GPHN: variants seen among roughly 807,000 people sequenced by gnomAD.
GPHN encodes the protein gephyrin.
A neutral mutation model predicts 95.5 loss-of-function variants in GPHN; 17 were observed. That is an observed-to-expected ratio of 0.18 (90% CI 0.12 to 0.27). The LOEUF is 0.27. GPHN is among the 10% of genes least tolerant of loss of function. GPHN has a pLI of 1.00. For missense variants in GPHN, 660 were observed against 978.1 expected, an observed-to-expected ratio of 0.67 and a Z score of 4.34; for synonymous variants, 320 against 322.5, an observed-to-expected ratio of 0.99 and a Z score of 0.08.
chr14:66,630,853 T>C (rs1421085222), intron 1 of GPHN, among the ~76,000 whole-genome samples: 1 of 152,174 alleles, frequency 6.6e-6, no homozygotes, highest in Non-Finnish European at 1.5e-5. Context: ...GTATTTCCTA[T>C]GTTGACTTGA....
At chr14:67,211,336 T>C in the GPHN span, among the ~76,000 whole-genome samples, 1 of 152,114 alleles carries the variant, frequency 6.6e-6, no homozygotes, top group East Asian at 1.9e-4. Flanking sequence ...TAGATTTGAC[T>C]CACATTGAAT....
At chr14:67,122,531 T>C (rs1348878194) in intron 17 of GPHN, among the ~76,000 whole-genome samples, 154 bp downstream of exon 17, 1 of 152,246 alleles carries the variant, frequency 6.6e-6, no homozygotes, top group Non-Finnish European at 1.5e-5. Flanking sequence ...TTGAGGTATC[T>C]ATGTCCTTTA....
intron 9 of GPHN, among the ~76,000 whole-genome samples, chr14:66,988,596 A>G (rs962475073): frequency 2.6e-5 from 4 of 152,088 alleles, no homozygotes; most frequent in African/African-American, 9.7e-5. Context: ...TACCTTCACC[A>G]GGAACACCTT....
the GPHN span, chr14:67,726,962 C>T: frequency 6.2e-7 from 1 of 1,609,346 alleles, no homozygotes; most frequent in East Asian, 2.2e-5. Context: ...TCAATCTTCC[C>T]TGCTGGCTCT....
intron 4 of GPHN, among the ~76,000 whole-genome samples, chr14:66,827,794 A>G (rs933413572): frequency 2.0e-5 from 3 of 152,074 alleles, no homozygotes; most frequent in Non-Finnish European, 2.9e-5. Context: ...TCTATATTAT[A>G]TAAATCAGAA....
chr14:67,323,450 A>G, the GPHN span, among the ~76,000 whole-genome samples: 1 of 151,644 alleles, frequency 6.6e-6, no homozygotes, highest in Non-Finnish European at 1.5e-5. Context: ...TCCTGTCTCT[A>G]CAAAAAAGTA....
At chr14:67,509,528 A>G in the GPHN span, among the ~76,000 whole-genome samples, 1 of 152,152 alleles carries the variant, frequency 6.6e-6, no homozygotes, top group Non-Finnish European at 1.5e-5. Flanking sequence ...CATGTTGCTC[A>G]GGCTGGTCTT....
the GPHN span, among the ~76,000 whole-genome samples, chr14:67,671,184 A>G: frequency 6.6e-6 from 1 of 152,162 alleles, no homozygotes; most frequent in African/African-American, 2.4e-5. Context: ...ATATGTATAT[A>G]TTTTCTTTAC....
chr14:67,029,115 G>A (rs911771202), intron 10 of GPHN, among the ~76,000 whole-genome samples: 2 of 152,034 alleles, frequency 1.3e-5, no homozygotes, highest in African/African-American at 4.8e-5. Flanking sequence ...ATTTACTGAG[G>A]AAGACACCTT....
At chr14:67,523,985 G>A in the GPHN span, among the ~76,000 whole-genome samples, 3 of 82,844 alleles carry the variant, frequency 3.6e-5, no homozygotes, top group Non-Finnish European at 8.0e-5. Context: ...GAACACAGAG[G>A]GGATGAATCC....
At chr14:66,563,093 G>A (rs2140297162) in intron 1 of GPHN, among the ~76,000 whole-genome samples, 1 of 151,024 alleles carries the variant, frequency 6.6e-6, no homozygotes, top group South Asian at 2.1e-4. Context: ...TCTCCTTTAA[G>A]GGATTTTATT....
the GPHN span, among the ~76,000 whole-genome samples, chr14:67,226,291 A>C: frequency 6.6e-6 from 1 of 152,198 alleles, no homozygotes; most frequent in Non-Finnish European, 1.5e-5. Context: ...TCCTGGGTTC[A>C]AGTGGTTCTC....
the GPHN span, among the ~76,000 whole-genome samples, chr14:67,645,469 C>G: frequency 8.5e-5 from 13 of 152,298 alleles, no homozygotes; most frequent in African/African-American, 2.6e-4. Flanking sequence ...CTTTATCACT[C>G]AAGATTAATT....
At chr14:67,680,476 G>GT in the GPHN span, among the ~76,000 whole-genome samples, 6 of 152,020 alleles carry the variant, frequency 3.9e-5, no homozygotes, top group East Asian at 3.9e-4. Context: ...CTTTCTGGTT[G>GT]TTTTTTTTAG....
the GPHN span, among the ~76,000 whole-genome samples, chr14:67,591,637 T>C: frequency 6.6e-6 from 1 of 152,138 alleles, no homozygotes; most frequent in African/African-American, 2.4e-5. Flanking sequence ...GCTCAAGCAA[T>C]CCTCCCACCT....
intron 11 of GPHN, among the ~76,000 whole-genome samples, chr14:67,062,066 C>T (rs1401112693): frequency 6.6e-6 from 1 of 151,870 alleles, no homozygotes. Context: ...TTTAAATGCC[C>T]TAATAAATAA....
chr14:66,916,128 T>C, intron 6 of GPHN, 59 bp downstream of exon 6: 1 of 1,151,226 alleles, frequency 8.7e-7, no homozygotes. Context: ...GCCGTGAAAG[T>C]TAGCCAGCCA....
the GPHN span, among the ~76,000 whole-genome samples, chr14:67,415,490 A>G: frequency 6.6e-6 from 1 of 152,210 alleles, no homozygotes; most frequent in Admixed American, 6.5e-5. Context: ...TCTAAGGTAT[A>G]ATTTTAGGTT....
At chr14:66,581,752 T>C (rs578075187) in intron 1 of GPHN, among the ~76,000 whole-genome samples, 4 of 151,904 alleles carry the variant, frequency 2.6e-5, no homozygotes, top group Non-Finnish European at 4.4e-5. Context: ...GCTATACTTA[T>C]ATCAGATGAA....
Sources: allele counts gnomAD v4.1 joint callset (sites outside exome capture counted in the v4.1 genomes callset), GRCh38; gene constraint gnomAD v4.1.1; transcripts MANE v1.5; gene names NCBI Gene and HGNC (gene_info 2026-07-23, HGNC 2026-07-21).